GLRA3: variants seen among roughly 807,000 people sequenced by gnomAD.
GLRA3 encodes the protein glycine receptor alpha 3.
Under a neutral mutation model 60.4 loss-of-function variants are expected in GLRA3, and 44 were observed. The observed-to-expected ratio is 0.73, with a 90% CI of 0.57 to 0.94. The LOEUF (loss-of-function observed/expected upper bound fraction) is 0.94, where lower values mean the gene tolerates loss of function less well. Among genes scored for constraint, GLRA3 ranks in the 40% least tolerant of loss-of-function variants. GLRA3 has a pLI of 0.00. For missense variants in GLRA3, 508 were observed against 564.6 expected (o/e 0.90, Z 1.02); for synonymous variants, 223 against 192.9 (o/e 1.16, Z -1.29).
At chr4:174,722,215 T>G (rs1736158973) in intron 4 of GLRA3, among the ~76,000 whole-genome samples, 1 of 152,152 alleles carries the variant, frequency 6.6e-6, no homozygotes. Context: ...CAGTTGTGCC[T>G]GAAACCCCTA....
intron 3 of GLRA3, among the ~76,000 whole-genome samples, chr4:174,739,049 C>T (rs1736906125): frequency 6.6e-6 from 1 of 152,232 alleles, no homozygotes; most frequent in Non-Finnish European, 1.5e-5. Flanking sequence ...CTTACAAAAT[C>T]ATGGCATGTA....
intron 1 of GLRA3, among the ~76,000 whole-genome samples, chr4:174,816,689 A>G (rs1181582071): frequency 6.6e-6 from 1 of 150,498 alleles, no homozygotes; most frequent in Non-Finnish European, 1.5e-5. Flanking sequence ...GAAATGTGCT[A>G]TAGCATTGAT....
At chr4:174,701,441 G>A (rs1379051949) in intron 5 of GLRA3, among the ~76,000 whole-genome samples, 1 of 152,154 alleles carries the variant, frequency 6.6e-6, no homozygotes, top group Non-Finnish European at 1.5e-5. Flanking sequence ...CTCTGATGGA[G>A]ATGTACAGGG....
At chr4:174,691,332 C>T (rs1734787458) in intron 5 of GLRA3, among the ~76,000 whole-genome samples, 1 of 152,078 alleles carries the variant, frequency 6.6e-6, no homozygotes, top group Non-Finnish European at 1.5e-5. Context: ...AATGTGCTGG[C>T]CACTTGTCTT....
Position 174,642,814 on chromosome 4 carries a change from G to T in GLRA3, c.*972C>A. The stretch of plus-strand genomic sequence containing the variant: ...TGGTTTTTATTAAAAAATCTTCCAT[G>T]AATCCATTTTGTTTTCATTGTATTC... On this transcript the variant is annotated 3_prime_UTR_variant, in exon 10 of 10. Transcript: ENST00000274093. 1.2e-6 allele frequency: 1 copy of T among 807,124 alleles called. No homozygotes were observed. Among genetic ancestry groups the T allele is most frequent in the Non-Finnish European group, 1.5e-6 (1 of 667,672 alleles). 50.0% of individuals were successfully genotyped at this position (807,124 alleles called of 1,614,324 possible). A position where few individuals can be genotyped will look rare whatever the true frequency, so the allele number is the denominator to read the frequency against.
intron 5 of GLRA3, among the ~76,000 whole-genome samples, chr4:174,690,722 A>G (rs531250351): frequency 1.8e-4 from 28 of 152,096 alleles, no homozygotes; most frequent in African/African-American, 6.3e-4. Flanking sequence ...ATAGGTTCTT[A>G]TCATTTGGTT....
At position 174,712,929 on chromosome 4, in the gene GLRA3, G is replaced by GTA. The variant is rs535494045; in HGVS notation, c.574+2557_574+2558dup. 4.0e-5 allele frequency: 6 copies of GTA among 151,458 alleles called. No individual in the cohort carries two copies. The South Asian group carries it at 6.3e-4, about 16-fold the overall frequency. 9.4% of individuals were successfully genotyped at this position (151,458 alleles called of 1,614,324 possible). A position where few individuals can be genotyped will look rare whatever the true frequency, so the allele number is the denominator to read the frequency against. On this transcript the variant is annotated intron_variant, in intron 5 of 9. Transcript: ENST00000274093. ...TATATGCATATATATACACACATAT[G>GTA]TATATATACACAGAAATGTAGGCAT...
intron 7 of GLRA3, among the ~76,000 whole-genome samples, chr4:174,668,568 A>G (rs1226208219): frequency 6.6e-6 from 1 of 152,212 alleles, no homozygotes; most frequent in Non-Finnish European, 1.5e-5. Context: ...TAATGGGCAA[A>G]GATATATTTG....
chr4:174,658,863 G>T lies in GLRA3; in HGVS notation c.1071+191C>A, dbSNP rs551232086. Among the ~76,000 whole-genome samples the T allele has an allele frequency of 2.0e-5, 3 of 152,254 alleles. No individual in the cohort carries two copies. The South Asian group carries it at 6.2e-4, about 32-fold the overall frequency. ...CATCGGATATGCTGTTTAAAGTAGA[G>T]CTAGGTGTCATCATTTTCTCCCTAA... On this transcript the variant is annotated intron_variant, in intron 8 of 9. Transcript: ENST00000274093.
chr4:174,793,871 C>T (rs896476081), intron 1 of GLRA3, among the ~76,000 whole-genome samples: 7 of 151,766 alleles, frequency 4.6e-5, no homozygotes, highest in African/African-American at 1.7e-4. Context: ...AAGTATTAGT[C>T]AGCACAATAA....
chr4:174,697,305 T>C (rs569355023), intron 5 of GLRA3, among the ~76,000 whole-genome samples: 1 of 152,254 alleles, frequency 6.6e-6, no homozygotes, highest in South Asian at 2.1e-4. Flanking sequence ...CAGAGAGAGA[T>C]TTCTAGTTTG....
intron 1 of GLRA3, among the ~76,000 whole-genome samples, chr4:174,799,132 T>A (rs569690362): frequency 9.2e-5 from 14 of 152,186 alleles, no homozygotes; most frequent in Non-Finnish European, 1.9e-4. Context: ...AGCTGCTTCC[T>A]GATATCTTAG....
chr4:174,777,180 A>G (rs1387878397), intron 2 of GLRA3, among the ~76,000 whole-genome samples: 2 of 152,236 alleles, frequency 1.3e-5, no homozygotes, highest in Non-Finnish European at 2.9e-5. Flanking sequence ...AATAGCCTAT[A>G]TATAAAGGAG....
chr4:174,741,119 T>C (rs1032061103), intron 3 of GLRA3, among the ~76,000 whole-genome samples: 2 of 152,214 alleles, frequency 1.3e-5, no homozygotes, highest in Non-Finnish European at 2.9e-5. Context: ...TGGGTCATAT[T>C]AAGTGCATGT....
chr4:174,681,398 G>T (rs1260208751), intron 6 of GLRA3, among the ~76,000 whole-genome samples: 1 of 152,130 alleles, frequency 6.6e-6, no homozygotes, highest in Non-Finnish European at 1.5e-5. Context: ...AGTATTTGCA[G>T]ATACAATCAA....
intron 3 of GLRA3, among the ~76,000 whole-genome samples, chr4:174,731,788 T>G (rs10009999): frequency 0.58 from 87,727 of 151,974 alleles, 26,337 homozygotes; most frequent in South Asian, 0.71. Flanking sequence ...TTTAAAATAT[T>G]TCATACCAAT....
At position 174,694,272 on chromosome 4, in the gene GLRA3, C is replaced by G. The variant is rs936423416; in HGVS notation, c.575-11333G>C. 2.6e-5 allele frequency among the ~76,000 whole-genome samples: 4 copies of G among 152,194 alleles called. No individual in the cohort carries two copies. The East Asian group carries it at 7.7e-4, about 29-fold the overall frequency. ...CTTTACAGCACTTTCCACCCAAAACCAACAGAATATACTTTCTTCTCTTCA... is the reference window on the plus strand; with the variant it reads ...CTTTACAGCACTTTCCACCCAAAACGAACAGAATATACTTTCTTCTCTTCA... On this transcript the variant is annotated intron_variant, in intron 5 of 9. Coordinates refer to ENST00000274093, the MANE Select transcript of GLRA3 (RefSeq NM_006529.4).
intron 3 of GLRA3, among the ~76,000 whole-genome samples, chr4:174,765,643 C>T (rs887263930): frequency 6.6e-6 from 1 of 152,020 alleles, no homozygotes; most frequent in Admixed American, 6.6e-5. Flanking sequence ...GCCAATTTTT[C>T]CACAAGAATC....
intron 9 of GLRA3, among the ~76,000 whole-genome samples, chr4:174,647,906 C>T (rs1732887046): frequency 6.6e-6 from 1 of 152,180 alleles, no homozygotes; most frequent in Non-Finnish European, 1.5e-5. Flanking sequence ...AGGCTAGTAG[C>T]TACCAAATTG....
Sources: allele counts gnomAD v4.1 joint callset (sites outside exome capture counted in the v4.1 genomes callset), GRCh38; gene constraint gnomAD v4.1.1; transcripts MANE v1.5; gene names NCBI Gene and HGNC (gene_info 2026-07-23, HGNC 2026-07-21).